Variants in NR2C1 observed in about 807,000 individuals in gnomAD.
The protein encoded by NR2C1 is nuclear receptor subfamily 2 group C member 1, also known as TR2 nuclear hormone receptor.
A neutral mutation model predicts 74.8 loss-of-function variants in NR2C1; 33 were observed. That is an observed-to-expected ratio of 0.44 (90% CI 0.33 to 0.59). The LOEUF (loss-of-function observed/expected upper bound fraction) is 0.59, where lower values mean the gene tolerates loss of function less well. Ranked by LOEUF, NR2C1 falls within the 20% of genes least tolerant of loss-of-function variation. The probability of loss-of-function intolerance (pLI) is 0.02; values close to 1 mark genes in which losing one functional copy is unlikely to be tolerated. For synonymous variants in NR2C1, 225 were observed against 240.6 expected (o/e 0.94, Z 0.60); for missense variants, 568 against 715.6 (o/e 0.79, Z 2.35).
chr12:95,035,040 C>T (rs1439058785), intron 10 of NR2C1, among the ~76,000 whole-genome samples: 2 of 151,976 alleles, frequency 1.3e-5, no homozygotes, highest in East Asian at 3.9e-4. Flanking sequence ...TGGCAACAAC[C>T]CAAATGTCTA....
chr12:95,057,001 T>TTAC (rs1308829282), intron 7 of NR2C1, among the ~76,000 whole-genome samples: 12 of 151,918 alleles, frequency 7.9e-5, no homozygotes, highest in Admixed American at 7.9e-4. Context: ...AATAAATGTC[T>TTAC]TACTGAGGAC....
Position 95,040,242 on chromosome 12 carries a change from T to C in NR2C1, c.1253+234A>G, listed in dbSNP as rs565762236. ...ATAGTCTTATCAATTCTACTGATCA[T>C]ATTCCATCCAAATTCTTAACTTAGT... On this transcript the variant is annotated intron_variant, in intron 10 of 13. Transcript: ENST00000333003. Among the ~76,000 whole-genome samples, 4 of 152,296 alleles carry C rather than the reference T, an allele frequency of 2.6e-5. No individual in the cohort carries two copies. Among genetic ancestry groups the C allele is most frequent in the African/African-American group, 9.6e-5 (4 of 41,582 alleles).
intron 7 of NR2C1, among the ~76,000 whole-genome samples, chr12:95,053,724 G>GC (rs1197733285): frequency 5.6e-5 from 7 of 125,288 alleles, no homozygotes; most frequent in Non-Finnish European, 7.9e-5. Context: ...TTACTCTGTC[G>GC]CCAGGCTGGA....
intron 10 of NR2C1, among the ~76,000 whole-genome samples, chr12:95,036,901 C>A (rs1870917097): frequency 6.6e-6 from 1 of 152,228 alleles, no homozygotes; most frequent in South Asian, 2.1e-4. Context: ...AACTTTTGAG[C>A]CCCTCATATC....
At chr12:95,038,996 C>T (rs1213656450) in intron 10 of NR2C1, among the ~76,000 whole-genome samples, 2 of 152,042 alleles carry the variant, frequency 1.3e-5, no homozygotes, top group East Asian at 1.9e-4. Flanking sequence ...GTATGGGAGG[C>T]ATCCATATAG....
At position 95,026,121 on chromosome 12, in the gene NR2C1, C is replaced by T. The variant is rs564049816; in HGVS notation, c.1532-866G>A. 3.3e-5 allele frequency among the ~76,000 whole-genome samples: 5 copies of T among 151,594 alleles called. No homozygotes were observed. In the East Asian group the frequency reaches 7.7e-4, roughly 23 times the overall value. ...ACTTGGGAGGCTGAGGCAGGAGAAT[C>T]GCTTGAAACCAGGAGGCGGAGGTTG... On this transcript the variant is annotated intron_variant, in intron 12 of 13. Coordinates refer to ENST00000333003, the MANE Select transcript of NR2C1 (RefSeq NM_003297.4).
chr12:95,043,539 A>T (rs573236923), intron 9 of NR2C1, among the ~76,000 whole-genome samples: 2 of 151,932 alleles, frequency 1.3e-5, no homozygotes, highest in Admixed American at 1.3e-4. Flanking sequence ...AATACAAAAA[A>T]TTAGCCGGGC....
chr12:95,053,139 A>C (rs1035296512), intron 7 of NR2C1, among the ~76,000 whole-genome samples: 2 of 151,594 alleles, frequency 1.3e-5, no homozygotes, highest in African/African-American at 2.4e-5. Context: ...ATGTCCAGCT[A>C]ATTTTTTAAT....
chr12:95,059,946 C>G lies in NR2C1; in HGVS notation c.324G>C (p.Lys108Asn). ...CACATACTACGCAAAGATCAAAAAC[C>G]TTATTTGGTCCTTGGTCTGGAGAAT... ...TDNSPDQGPN[K>N]VFDLCVVCGD... is the part of the protein sequence containing the mutation. Residue 108 changes from lysine (K) to asparagine (N), a missense_variant, in exon 4 of 14, where the codon AAG (lysine) becomes AAC (asparagine). By Grantham distance (94) the Lys-to-Asn change is moderately conservative (BLOSUM62 0). Around this residue, in one of 6 missense-constraint regions of NR2C1, gnomAD observed 44 missense variants for 95.6 expected, o/e 0.46. Transcript: ENST00000333003. 1.9e-6 allele frequency: 3 copies of G among 1,567,614 alleles called. No homozygotes were observed. The highest frequency in any genetic ancestry group is 1.7e-6 in the Non-Finnish European group (2 of 1,161,396).
chr12:95,062,383 C>A, intron 3 of NR2C1, 125 bp downstream of exon 3: 1 of 645,082 alleles, frequency 1.6e-6, no homozygotes. Context: ...TACTGTGTTA[C>A]ACATAATTTT....
chr12:95,072,364 G>C (rs1482228183), intron 1 of NR2C1, among the ~76,000 whole-genome samples: 2 of 147,286 alleles, frequency 1.4e-5, no homozygotes, highest in Non-Finnish European at 3.0e-5. Context: ...TGAGACAGGA[G>C]AATCGCTTGA....
At chr12:95,071,805 A>G (rs558601087) in intron 1 of NR2C1, among the ~76,000 whole-genome samples, 39 of 151,018 alleles carry the variant, frequency 2.6e-4, no homozygotes, top group African/African-American at 9.5e-4. Context: ...CTGGAGTGCA[A>G]TGGCGCGATC....
intron 13 of NR2C1, 43 bp downstream of exon 13, chr12:95,025,107 G>A (rs754708284): frequency 4.4e-6 from 4 of 906,982 alleles, no homozygotes; most frequent in Non-Finnish European, 6.7e-6. Context: ...TCCACAAAAG[G>A]TTTTTCAATT....
At chr12:95,053,856 T>C (rs1361652833) in intron 7 of NR2C1, among the ~76,000 whole-genome samples, 1 of 152,084 alleles carries the variant, frequency 6.6e-6, no homozygotes, top group African/African-American at 2.4e-5. Flanking sequence ...GCTAATTTTT[T>C]GTATTTTTGG....
intron 4 of NR2C1, among the ~76,000 whole-genome samples, chr12:95,059,350 T>C (rs1874398345): frequency 6.6e-6 from 1 of 151,428 alleles, no homozygotes; most frequent in Admixed American, 6.6e-5. Flanking sequence ...AAAAGTGAAA[T>C]ATGCATTTTA....
At chr12:95,042,958 CACAAA>C (rs1175905515) in intron 9 of NR2C1, among the ~76,000 whole-genome samples, 1 of 144,314 alleles carries the variant, frequency 6.9e-6, no homozygotes, top group Admixed American at 6.9e-5. Context: ...AAAACCGACA[CACAAA>C]ACAAAAAATT....
intron 1 of NR2C1, among the ~76,000 whole-genome samples, chr12:95,070,690 C>A (rs1876470668): frequency 6.6e-6 from 1 of 152,080 alleles, no homozygotes; most frequent in African/African-American, 2.4e-5. Flanking sequence ...AAGTTTTAAC[C>A]CCTTCCCTTG....
At chr12:95,069,692 C>A (rs986991683) in intron 1 of NR2C1, among the ~76,000 whole-genome samples, 1 of 152,132 alleles carries the variant, frequency 6.6e-6, no homozygotes, top group Non-Finnish European at 1.5e-5. Context: ...TAAGGCAACA[C>A]ACACATTCCT....
Position 95,067,409 on chromosome 12 carries a change from A to T in NR2C1, c.-7-18T>A, listed in dbSNP as rs2136202890. ...TGATCTACCTGCCAAAAATAAAAAGATGTTTTATAATTAAACTCACAAAAC... is the reference window on the plus strand; with the variant it reads ...TGATCTACCTGCCAAAAATAAAAAGTTGTTTTATAATTAAACTCACAAAAC... On this transcript the variant is annotated intron_variant, in intron 1 of 13. Coordinates refer to ENST00000333003, the MANE Select transcript of NR2C1 (RefSeq NM_003297.4). 1 of 1,553,874 alleles carries T rather than the reference A, an allele frequency of 6.4e-7. No individual in the cohort carries two copies. Among genetic ancestry groups the T allele is most frequent in the Non-Finnish European group, 8.9e-7 (1 of 1,125,730 alleles).
Sources: allele counts gnomAD v4.1 joint callset (sites outside exome capture counted in the v4.1 genomes callset), GRCh38; gene constraint gnomAD v4.1.1; regional missense constraint gnomAD v4.1.1; transcripts MANE v1.5; gene names NCBI Gene and HGNC (gene_info 2026-07-23, HGNC 2026-07-21).